EDNRB: variants seen among roughly 807,000 people sequenced by gnomAD.
EDNRB encodes endothelin receptor type B, also known as Hirschsprung disease 2.
In EDNRB, 18 loss-of-function variants were observed where a neutral mutation model predicts 46.4. The observed-to-expected ratio is 0.39, with a 90% CI of 0.27 to 0.57. The LOEUF (loss-of-function observed/expected upper bound fraction) is 0.57, where lower values mean the gene tolerates loss of function less well. Among genes scored for constraint, EDNRB ranks in the 20% least tolerant of loss-of-function variants. The pLI is 0.61. For synonymous variants in EDNRB, 213 were observed against 204.9 expected (o/e 1.04, Z -0.34); for missense variants, 434 against 537.5 (o/e 0.81, Z 1.90).
chr13:77,903,660 G>T, intron 1 of EDNRB, 53 bp from the exon 2 acceptor site: 1 of 1,444,492 alleles, frequency 6.9e-7, no homozygotes, highest in Non-Finnish European at 9.7e-7. Flanking sequence ...GATGCCCTCT[G>T]AATTGTATCA....
chr13:77,951,044 A>T (rs1303700162), intron 1 of EDNRB, among the ~76,000 whole-genome samples: 1 of 152,188 alleles, frequency 6.6e-6, no homozygotes. Flanking sequence ...GAATTCTCTT[A>T]TTCACATTAC....
At chr13:77,919,337 G>T, upstream of EDNRB, 1 of 1,537,588 alleles carries the variant, frequency 6.5e-7, no homozygotes, top group Non-Finnish European at 8.9e-7. Context: ...AAGCCAAACC[G>T]AAGCCCCAGA....
At chr13:77,906,253 A>T (rs1182424263) in intron 1 of EDNRB, among the ~76,000 whole-genome samples, 1 of 151,898 alleles carries the variant, frequency 6.6e-6, no homozygotes, top group East Asian at 1.9e-4. Context: ...CCAGCTTTGA[A>T]CCCATGTAGC....
At chr13:77,951,552 C>G (rs557215340) in intron 1 of EDNRB, among the ~76,000 whole-genome samples, 2 of 152,216 alleles carry the variant, frequency 1.3e-5, no homozygotes, top group South Asian at 2.1e-4. Context: ...TAAGTAAAGT[C>G]TCCTGAAAAT....
At position 77,900,040 on chromosome 13, in the gene EDNRB, C is replaced by T. The variant is rs538793524; in HGVS notation, c.1086-73G>A. On this transcript the variant is annotated intron_variant, in intron 5 of 6. Transcript: ENST00000646607. ...ACATGTAGTCATTGTAGCTTCTGTG[C>T]TTTTGTAAGGAAAAAAAATGCCAAT... The T allele has an allele frequency of 6.8e-6, 9 of 1,322,820 alleles. No individual in the cohort carries two copies. In the South Asian group the frequency reaches 8.4e-5, roughly 12 times the overall value. The allele number at this position is 1,322,820 out of a possible 1,614,324, so 81.9% of individuals were successfully genotyped here. A position where few individuals can be genotyped will look rare whatever the true frequency, so the allele number is the denominator to read the frequency against.
chr13:77,972,485 C>G (rs1011044896), intron 1 of EDNRB, among the ~76,000 whole-genome samples: 5 of 152,156 alleles, frequency 3.3e-5, no homozygotes, highest in African/African-American at 1.2e-4. Flanking sequence ...TAGTGGTCCA[C>G]AGAATGTTGG....
intron 1 of EDNRB, among the ~76,000 whole-genome samples, chr13:77,940,866 G>A (rs953145395): frequency 6.6e-6 from 1 of 152,170 alleles, no homozygotes; most frequent in Non-Finnish European, 1.5e-5. Flanking sequence ...TTATGATTCA[G>A]AATTCACAAG....
At chr13:77,923,430 C>T (rs985830752), upstream of EDNRB, among the ~76,000 whole-genome samples, 1 of 152,070 alleles carries the variant, frequency 6.6e-6, no homozygotes, top group Non-Finnish European at 1.5e-5. Context: ...AGAAGGCAGT[C>T]GGACCTGTGC....
intron 1 of EDNRB, among the ~76,000 whole-genome samples, chr13:77,949,844 C>T (rs1157082086): frequency 6.6e-6 from 1 of 152,082 alleles, no homozygotes; most frequent in African/African-American, 2.4e-5. Context: ...TCCTCTTTGC[C>T]CTGAGAAACT....
rs1878652523 is a variant in EDNRB at position 77,896,780 on chromosome 13, T to A, written c.*1420A>T. 7.6e-7 allele frequency: 1 copy of A among 1,309,522 alleles called. No homozygotes were observed. The highest frequency in any genetic ancestry group is 1.8e-5 in the South Asian group (1 of 55,950). 81.1% of individuals were successfully genotyped at this position (1,309,522 alleles called of 1,614,324 possible). A position where few individuals can be genotyped will look rare whatever the true frequency, so the allele number is the denominator to read the frequency against. On this transcript the variant is annotated 3_prime_UTR_variant, in exon 7 of 7. Coordinates refer to ENST00000646607, the MANE Select transcript of EDNRB (RefSeq NM_001122659.3). ...TCCTCCAACCCCACCTCATTTCCTC[T>A]CTCTTCCGTTTTCTCTTGTACATAC...
rs761336304 is a variant in EDNRB, at chr13:77,901,190, T to C, written c.819A>G (p.Lys273=). 6.2e-6 allele frequency: 10 copies of C among 1,610,862 alleles called. No individual in the cohort carries two copies. The highest frequency in any genetic ancestry group is 3.3e-5 in the Admixed American group (2 of 59,808). The change falls in exon 4 of 7, where the codon AAA becomes AAG. Residue 273 remains lysine (K), a synonymous_variant. Transcript: ENST00000646607. ...AATAGAAACTGAATAGCCACCAATC[T>C]TTTGCTGTCTTGTAAAACTATAGGG... The part of the protein sequence containing the change: ...TAFMQFYKTA[K]DWWLFSFYFC...
upstream of EDNRB, among the ~76,000 whole-genome samples, chr13:77,920,704 A>C (rs1191422027): frequency 6.6e-6 from 1 of 152,204 alleles, no homozygotes; most frequent in Non-Finnish European, 1.5e-5. Flanking sequence ...TGTGAGTGCT[A>C]ATTCCAAATC....
chr13:77,911,580 G>C (rs915890027), intron 1 of EDNRB, among the ~76,000 whole-genome samples: 1 of 152,030 alleles, frequency 6.6e-6, no homozygotes, highest in African/African-American at 2.4e-5. Flanking sequence ...GGGGAGACTT[G>C]CTTGAGAAAT....
intron 1 of EDNRB, among the ~76,000 whole-genome samples, chr13:77,914,195 TG>T (rs1223559424): frequency 6.6e-6 from 1 of 152,224 alleles, no homozygotes; most frequent in Admixed American, 6.5e-5. Context: ...ACCCTTCAGA[TG>T]TAGTCACACA....
At chr13:77,936,449 C>T (rs189498422) in intron 1 of EDNRB, among the ~76,000 whole-genome samples, 2,177 of 152,208 alleles carry the variant, frequency 0.014, 46 homozygotes, top group East Asian at 0.024. Flanking sequence ...GAAACAGGCC[C>T]TTGAAAAGAA....
At chr13:77,975,153 C>A (rs12720108) in intron 1 of EDNRB, among the ~76,000 whole-genome samples, 15 of 152,174 alleles carry the variant, frequency 9.9e-5, no homozygotes, top group Admixed American at 9.8e-4. Context: ...AGTGCCGGTA[C>A]AGGCACACCA....
In EDNRB at chr13:77,955,044, A is replaced by C. The variant is rs375652351; in HGVS notation, c.-52+20303T>G. Among the ~76,000 whole-genome samples the C allele has an allele frequency of 4.2e-4, 64 of 152,270 alleles. 1 individual carries two copies. The South Asian group carries it at 0.012, about 30-fold the overall frequency. On this transcript the variant is annotated intron_variant, in intron 1 of 7. Transcript: ENST00000646948. ...TTTTAATTTTTTGAGACACCTCCAT[A>C]CTGTTTTCTACAGCAACTGCACCAT...
At chr13:77,956,892 G>T (rs1881256932) in intron 1 of EDNRB, among the ~76,000 whole-genome samples, 1 of 152,154 alleles carries the variant, frequency 6.6e-6, no homozygotes, top group African/African-American at 2.4e-5. Flanking sequence ...TAAGTAATTA[G>T]ATGGGGCCTA....
At position 77,896,549 on chromosome 13, in the gene EDNRB, G is replaced by A. The variant is rs375221483; in HGVS notation, c.*1651C>T. On this transcript the variant is annotated 3_prime_UTR_variant, in exon 7 of 7. Transcript: ENST00000646607. ...AACATTACTAGCTTATTTCCAACAT[G>A]TGGCCCAGCCTATTAAAAGAAAAAC... The A allele has an allele frequency of 1.6e-5, 25 of 1,560,158 alleles. No individual in the cohort carries two copies. Among genetic ancestry groups the A allele is most frequent in the Non-Finnish European group, 2.1e-5 (24 of 1,150,784 alleles).
Sources: allele counts gnomAD v4.1 joint callset (sites outside exome capture counted in the v4.1 genomes callset), GRCh38; gene constraint gnomAD v4.1.1; transcripts MANE v1.5; gene names NCBI Gene and HGNC (gene_info 2026-07-23, HGNC 2026-07-21).